SYCP2: variants seen among roughly 807,000 people sequenced by gnomAD.
SYCP2 encodes the protein synaptonemal complex protein 2, also known as synaptonemal complex lateral element protein.
SYCP2 carries 55 observed loss-of-function variants against 211.3 expected under a neutral mutation model. That is an observed-to-expected ratio of 0.26 (90% confidence interval 0.21 to 0.33). The LOEUF (loss-of-function observed/expected upper bound fraction) is 0.33, where lower values mean the gene tolerates loss of function less well. SYCP2 is among the 10% of genes least tolerant of loss of function. SYCP2 has a pLI of 1.00. For synonymous variants in SYCP2, 570 were observed against 555.2 expected, an observed-to-expected ratio of 1.03 and a Z score of -0.37; for missense variants, 1,731 against 1,752.0, an observed-to-expected ratio of 0.99 and a Z score of 0.21.
At chr20:59,882,694 G>A (rs1414315298) in intron 26 of SYCP2, among the ~76,000 whole-genome samples, 4 of 152,016 alleles carry the variant, frequency 2.6e-5, no homozygotes, top group Admixed American at 6.6e-5. Context: ...GACAAATACC[G>A]CATGTTTTCA....
In SYCP2 at chr20:59,863,718, G is replaced by A. The variant is rs1208745268; in HGVS notation, c.*593C>T. 1 of 151,842 alleles carries A rather than the reference G, an allele frequency of 6.6e-6. No homozygotes were observed. Among genetic ancestry groups the A allele is most frequent in the Non-Finnish European group, 1.5e-5 (1 of 67,866 alleles). The allele number at this position is 151,842 out of a possible 1,614,324, so 9.4% of individuals were successfully genotyped here. A position where few individuals can be genotyped will look rare whatever the true frequency, so the allele number is the denominator to read the frequency against. ...TGTCAAACAGCCTGGTTATGAAATA[G>A]GACTTCTATATTGAATTAACATATT... On this transcript the variant is annotated 3_prime_UTR_variant, in exon 45 of 45. Transcript: ENST00000357552.
At chr20:59,899,897 T>C (rs1254870529) in intron 18 of SYCP2, among the ~76,000 whole-genome samples, 1 of 152,152 alleles carries the variant, frequency 6.6e-6, no homozygotes, top group Non-Finnish European at 1.5e-5. Flanking sequence ...ATCTTATCTA[T>C]CTCTAATCTG....
intron 22 of SYCP2, 27 bp downstream of exon 22, chr20:59,893,115 A>C (rs766145740): frequency 6.6e-7 from 1 of 1,523,308 alleles, no homozygotes; most frequent in Admixed American, 1.8e-5. Context: ...TATAGACTAA[A>C]TGATTTGATG....
intron 6 of SYCP2, 23 bp downstream of exon 6, chr20:59,919,470 A>C (rs746695096): frequency 1.4e-6 from 2 of 1,418,878 alleles, no homozygotes; most frequent in Admixed American, 3.5e-5. Flanking sequence ...TATAAATATC[A>C]GTGTAATCAA....
At chr20:59,865,006 A>G (rs377191926) in intron 44 of SYCP2, among the ~76,000 whole-genome samples, 1 of 152,024 alleles carries the variant, frequency 6.6e-6, no homozygotes, top group Non-Finnish European at 1.5e-5. Context: ...CATCTTGTCC[A>G]AACAGACAGT....
At chr20:59,898,827 A>G (rs921444329) in intron 18 of SYCP2, among the ~76,000 whole-genome samples, 3 of 152,188 alleles carry the variant, frequency 2.0e-5, no homozygotes, top group Admixed American at 6.5e-5. Context: ...AGGTAAAAAA[A>G]TAAATAATGT....
intron 16 of SYCP2, 113 bp from the exon 17 acceptor site, chr20:59,900,931 C>A (rs6071019): frequency 0.024 from 17,983 of 745,392 alleles, 241 homozygotes; most frequent in Middle Eastern, 0.038. Flanking sequence ...TCCAAAATTG[C>A]CAAATATCCC....
intron 35 of SYCP2, among the ~76,000 whole-genome samples, chr20:59,870,249 C>T (rs1332581961): frequency 2.0e-5 from 3 of 151,634 alleles, no homozygotes; most frequent in Non-Finnish European, 4.4e-5. Context: ...AACAAGAACA[C>T]GAATAAGAAT....
At chr20:59,889,400 A>T (rs915942664) in intron 24 of SYCP2, among the ~76,000 whole-genome samples, 5 of 151,956 alleles carry the variant, frequency 3.3e-5, no homozygotes, top group African/African-American at 1.2e-4. Context: ...ATTTTTTTTA[A>T]AAGTAAAAGG....
chr20:59,867,188 C>T lies in SYCP2; in HGVS notation c.4125+523G>A, dbSNP rs187379541. Reference sequence around the variant, plus strand: ...AGGGCATAAAAAACTAAAAAACTATCGATTCCAAATAGAGGCATGTGAAAG... The same window carrying T: ...AGGGCATAAAAAACTAAAAAACTATTGATTCCAAATAGAGGCATGTGAAAG... On this transcript the variant is annotated intron_variant, in intron 39 of 44. Coordinates refer to ENST00000357552, the MANE Select transcript of SYCP2 (RefSeq NM_014258.4). 3.3e-3 allele frequency among the ~76,000 whole-genome samples: 354 copies of T among 107,526 alleles called. 2 individuals are homozygous for T. The highest frequency in any genetic ancestry group is 8.8e-3 in the Middle Eastern group (1 of 114). The allele number at this position is 107,526 out of a possible 152,430, so 70.5% of individuals were successfully genotyped here.
intron 39 of SYCP2, 142 bp downstream of exon 39, chr20:59,867,569 T>G: frequency 3.4e-6 from 2 of 585,300 alleles, no homozygotes; most frequent in Non-Finnish European, 5.7e-6. Flanking sequence ...CAGATTTTAT[T>G]CCAATTATTC....
At position 59,864,069 on chromosome 20, in the gene SYCP2, A is replaced by C. The variant is rs972651033; in HGVS notation, c.*242T>G. 4.3e-5 allele frequency: 12 copies of C among 281,202 alleles called. No individual in the cohort carries two copies. Among genetic ancestry groups the C allele is most frequent in the African/African-American group, 2.4e-4 (11 of 45,710 alleles). The allele number at this position is 281,202 out of a possible 1,614,324, so 17.4% of individuals were successfully genotyped here. On this transcript the variant is annotated 3_prime_UTR_variant, in exon 45 of 45. Transcript: ENST00000357552. ...ATAATTAACTCAAAAAGTTTCTTAA[A>C]GCTTTTATCTCCAAAATTAAAAAAA...
intron 29 of SYCP2, 78 bp downstream of exon 29, chr20:59,881,358 TA>T: frequency 1.3e-6 from 1 of 777,420 alleles, no homozygotes; most frequent in Non-Finnish European, 2.1e-6. Context: ...TCTCATTTGT[TA>T]AAAAACTCTA....
In SYCP2 at chr20:59,868,536, A is replaced by T; in HGVS notation, c.3865T>A (p.Tyr1289Asn). 6.2e-7 allele frequency: 1 copy of T among 1,606,760 alleles called. No homozygotes were observed. The highest frequency in any genetic ancestry group is 8.5e-7 in the Non-Finnish European group (1 of 1,177,438). The change falls in exon 38 of 45, where the codon TAT becomes AAT. Residue 1289 changes from tyrosine (Y) to asparagine (N), a missense_variant. By Grantham distance (143) the Tyr-to-Asn change is moderately radical (BLOSUM62 -2). Coordinates refer to ENST00000357552, the MANE Select transcript of SYCP2 (RefSeq NM_014258.4). ...GAATTACTTAGATTATCTTCTATATATATTCTTTTGCGACTAAGATGTTGG... is the reference window on the plus strand; with the variant it reads ...GAATTACTTAGATTATCTTCTATATTTATTCTTTTGCGACTAAGATGTTGG... Reference protein sequence around the residue: ...PTQHLSRKRIYIEDNLSNSNE... With the variant: ...PTQHLSRKRINIEDNLSNSNE...
chr20:59,880,286 A>T lies in SYCP2; in HGVS notation c.2941+17T>A, dbSNP rs766950530. ...GCAAAATCATTTGCAACATTTATCC[A>T]AAAGATAATTTCTTACTTGATTTTC... On this transcript the variant is annotated intron_variant, in intron 31 of 44. Coordinates refer to ENST00000357552, the MANE Select transcript of SYCP2 (RefSeq NM_014258.4). 2 of 1,549,414 alleles carry T rather than the reference A, an allele frequency of 1.3e-6. No individual in the cohort carries two copies. The highest frequency in any genetic ancestry group is 1.8e-6 in the Non-Finnish European group (2 of 1,139,338).
At chr20:59,886,079 C>T in intron 25 of SYCP2, 115 bp from the exon 26 acceptor site, 1 of 744,664 alleles carries the variant, frequency 1.3e-6, no homozygotes, top group Non-Finnish European at 2.2e-6. Flanking sequence ...TAAAAATAAC[C>T]AAAATGTAAC....
intron 25 of SYCP2, 114 bp from the exon 26 acceptor site, chr20:59,886,078 C>T: frequency 5.1e-6 from 4 of 782,888 alleles, no homozygotes; most frequent in Non-Finnish European, 8.2e-6. Context: ...TTAAAAATAA[C>T]CAAAATGTAA....
Position 59,864,252 on chromosome 20 carries a change from T to G in SYCP2, c.*59A>C. 1.7e-6 allele frequency: 2 copies of G among 1,209,930 alleles called. No individual in the cohort carries two copies. Among genetic ancestry groups the G allele is most frequent in the Non-Finnish European group, 2.4e-6 (2 of 850,676 alleles). 74.9% of individuals were successfully genotyped at this position (1,209,930 alleles called of 1,614,324 possible). On this transcript the variant is annotated 3_prime_UTR_variant, in exon 45 of 45. Coordinates refer to ENST00000357552, the MANE Select transcript of SYCP2 (RefSeq NM_014258.4). ...TTTCTCTTTGTAGGACTATTCTTATTTCCTCAGTTATATACAGAGAATAAT... is the reference window on the plus strand; with the variant it reads ...TTTCTCTTTGTAGGACTATTCTTATGTCCTCAGTTATATACAGAGAATAAT...
chr20:59,918,077 C>A (rs1251111687), intron 7 of SYCP2, among the ~76,000 whole-genome samples: 2 of 152,100 alleles, frequency 1.3e-5, no homozygotes, highest in Non-Finnish European at 2.9e-5. Context: ...TCTGACTTTC[C>A]CTACCACACA....
Sources: allele counts gnomAD v4.1 joint callset (sites outside exome capture counted in the v4.1 genomes callset), GRCh38; gene constraint gnomAD v4.1.1; transcripts MANE v1.5; gene names NCBI Gene and HGNC (gene_info 2026-07-23, HGNC 2026-07-21).